PCCA: variants seen among roughly 807,000 people sequenced by gnomAD.
PCCA encodes propionyl-CoA carboxylase subunit alpha, also known as propionyl-CoA carboxylase alpha chain, mitochondrial.
PCCA carries 74 observed loss-of-function variants against 101.3 expected under a neutral mutation model. The ratio of observed to expected loss-of-function variants is 0.73; its 90% CI spans 0.61 to 0.89. The LOEUF is 0.89. Among genes scored for constraint, PCCA ranks in the 40% least tolerant of loss-of-function variants. PCCA has a pLI of 0.00. For synonymous variants in PCCA, 294 were observed against 313.6 expected (o/e 0.94, Z 0.66); for missense variants, 891 against 907.0 (o/e 0.98, Z 0.23).
intron 4 of PCCA, among the ~76,000 whole-genome samples, chr13:100,123,619 T>C (rs1328850994): frequency 7.1e-6 from 1 of 140,098 alleles, no homozygotes; most frequent in Non-Finnish European, 1.6e-5. Flanking sequence ...TAAATCCTAA[T>C]ATAACAACAT....
intron 11 of PCCA, 80 bp downstream of exon 11, chr13:100,268,863 A>G: frequency 2.0e-6 from 2 of 1,006,310 alleles, no homozygotes; most frequent in East Asian, 2.5e-5. Context: ...TCATTCACTG[A>G]CGCATGCATT....
intron 10 of PCCA, among the ~76,000 whole-genome samples, chr13:100,266,142 C>T (rs1220165611): frequency 6.6e-6 from 1 of 152,188 alleles, no homozygotes; most frequent in Non-Finnish European, 1.5e-5. Flanking sequence ...GTTCACACTA[C>T]TGGAAGACCA....
At chr13:100,171,831 G>A (rs1403736339) in intron 6 of PCCA, among the ~76,000 whole-genome samples, 1 of 152,110 alleles carries the variant, frequency 6.6e-6, no homozygotes, top group Non-Finnish European at 1.5e-5. Context: ...AGGAGATGGA[G>A]ACCATCCTGG....
chr13:100,320,814 C>T (rs1034853172), intron 16 of PCCA, among the ~76,000 whole-genome samples: 3 of 152,158 alleles, frequency 2.0e-5, no homozygotes, highest in South Asian at 4.1e-4. Flanking sequence ...TGCAGTGGCA[C>T]AATTATAGCT....
chr13:100,497,264 C>A (rs2085341446), intron 21 of PCCA, among the ~76,000 whole-genome samples: 1 of 152,160 alleles, frequency 6.6e-6, no homozygotes, highest in Non-Finnish European at 1.5e-5. Flanking sequence ...ATTGTCACTT[C>A]TTTTTCTTTC....
At chr13:100,365,530 G>C (rs1485607543) in intron 18 of PCCA, among the ~76,000 whole-genome samples, 2 of 152,142 alleles carry the variant, frequency 1.3e-5, no homozygotes, top group Admixed American at 6.5e-5. Context: ...GCTACAGTTT[G>C]AAAAATATTA....
intron 21 of PCCA, among the ~76,000 whole-genome samples, chr13:100,454,590 C>T (rs2081576833): frequency 6.6e-6 from 1 of 152,154 alleles, no homozygotes; most frequent in Non-Finnish European, 1.5e-5. Context: ...TGTCCCATGG[C>T]AAAGGTGATG....
intron 12 of PCCA, among the ~76,000 whole-genome samples, chr13:100,295,866 A>G (rs1442929201): frequency 6.6e-6 from 1 of 152,168 alleles, no homozygotes; most frequent in Non-Finnish European, 1.5e-5. Context: ...TTCTTTTTAC[A>G]TGTTGTGACT....
intron 4 of PCCA, 51 bp downstream of exon 4, chr13:100,112,112 A>T: frequency 7.8e-7 from 1 of 1,281,822 alleles, no homozygotes; most frequent in East Asian, 2.3e-5. Context: ...TGGGTCAAGC[A>T]GAAAAAGTGA....
chr13:100,479,355 T>C (rs1367563138), intron 21 of PCCA, among the ~76,000 whole-genome samples: 1 of 152,066 alleles, frequency 6.6e-6, no homozygotes, highest in Non-Finnish European at 1.5e-5. Flanking sequence ...CCTTGAACAA[T>C]ATGGGGGCTA....
At position 100,442,834 on chromosome 13, in the gene PCCA, G is replaced by T. The variant is rs561057294; in HGVS notation, c.1846-6418G>T. On this transcript the variant is annotated intron_variant, in intron 20 of 23. Coordinates refer to ENST00000376285, the MANE Select transcript of PCCA (RefSeq NM_000282.4). ...GAGCTGAGACCTACGAAGAGGAGGG[G>T]GCAAACGTGCAGAAGTCTGGGGGAA... Among the ~76,000 whole-genome samples, 4 of 152,276 alleles carry T rather than the reference G, an allele frequency of 2.6e-5. No individual in the cohort carries two copies. In the East Asian group the frequency reaches 7.7e-4, roughly 29 times the overall value.
intron 4 of PCCA, chr13:100,149,062 G>GT (rs1350441110): frequency 6.7e-6 from 1 of 150,196 alleles, no homozygotes. Flanking sequence ...CAGAATGTTA[G>GT]TTTTTTAAAA....
chr13:100,419,481 A>G lies in PCCA; in HGVS notation c.1747-6152A>G, dbSNP rs554128522. ...AGCGAGACTTTGTCTCAAAAAAAAA[A>G]AAAAGAAAAGAAAAGAAATTGCTGA... On this transcript the variant is annotated intron_variant, in intron 19 of 23. Transcript: ENST00000376285. Among the ~76,000 whole-genome samples the G allele has an allele frequency of 5.3e-5, 8 of 152,208 alleles. No homozygotes were observed. In the South Asian group the frequency reaches 1.5e-3, roughly 28 times the overall value.
chr13:100,398,658 C>T (rs1257638510), intron 19 of PCCA, among the ~76,000 whole-genome samples: 2 of 152,046 alleles, frequency 1.3e-5, no homozygotes, highest in South Asian at 2.1e-4. Context: ...ACCATTTATT[C>T]TACTTGCTAG....
At chr13:100,428,334 C>CCCCCCACCCCCA (rs1434080233) in intron 20 of PCCA, among the ~76,000 whole-genome samples, 1 of 76,694 alleles carries the variant, frequency 1.3e-5, no homozygotes, top group Non-Finnish European at 2.7e-5. Context: ...ACCCCCCCTA[C>CCCCCCACCCCCA]CCCCCACCCC....
At chr13:100,190,125 A>G (rs2057636859) in intron 6 of PCCA, among the ~76,000 whole-genome samples, 3 of 152,220 alleles carry the variant, frequency 2.0e-5, no homozygotes, top group Non-Finnish European at 4.4e-5. Flanking sequence ...AATTAATATG[A>G]TACAATGAGA....
chr13:100,473,291 C>G (rs1024585531), intron 21 of PCCA: 1 of 152,106 alleles, frequency 6.6e-6, no homozygotes, highest in African/African-American at 2.4e-5. Context: ...AGAAAGGCCC[C>G]CTGCAGTCGA....
At chr13:100,317,196 A>G (rs1407269977) in intron 16 of PCCA, among the ~76,000 whole-genome samples, 1 of 152,178 alleles carries the variant, frequency 6.6e-6, no homozygotes, top group Non-Finnish European at 1.5e-5. Flanking sequence ...TAAATTGTTG[A>G]TGTACCTTGG....
At chr13:100,361,647 A>G (rs1425239787) in intron 18 of PCCA, among the ~76,000 whole-genome samples, 1 of 152,156 alleles carries the variant, frequency 6.6e-6, no homozygotes, top group Admixed American at 6.5e-5. Flanking sequence ...ACTGAGCACC[A>G]TAAGGTCCTC....
Sources: allele counts gnomAD v4.1 joint callset (sites outside exome capture counted in the v4.1 genomes callset), GRCh38; gene constraint gnomAD v4.1.1; transcripts MANE v1.5; gene names NCBI Gene and HGNC (gene_info 2026-07-23, HGNC 2026-07-21).